TBC1D1: variants seen among roughly 807,000 people sequenced by gnomAD.
The protein encoded by TBC1D1 is TBC1 domain family member 1, also known as TBC1 (tre-2/USP6, BUB2, cdc16) domain family, member 1.
Under a neutral mutation model 125.6 loss-of-function variants are expected in TBC1D1, and 89 were observed. The observed-to-expected ratio is 0.71, with a 90% CI of 0.60 to 0.85. TBC1D1 has a LOEUF of 0.85. Ranked by LOEUF, TBC1D1 falls within the 40% of genes least tolerant of loss-of-function variation. The probability of loss-of-function intolerance (pLI) is 0.00; values close to 1 mark genes in which losing one functional copy is unlikely to be tolerated. For missense variants in TBC1D1, 1,377 were observed against 1,469.2 expected (o/e 0.94, Z 1.03); for synonymous variants, 565 against 564.1 (o/e 1.00, Z -0.02).
intron 13 of TBC1D1, 71 bp from the exon 16 acceptor site, chr4:38,095,858 C>T (rs192194574): frequency 6.1e-6 from 9 of 1,463,746 alleles, no homozygotes; most frequent in Non-Finnish European, 8.3e-6. Flanking sequence ...AACAAGTAGG[C>T]AGCCATGTTG....
chr4:38,023,626 T>A (rs1489664503), intron 6 of TBC1D1, among the ~76,000 whole-genome samples: 1 of 152,266 alleles, frequency 6.6e-6, no homozygotes, highest in Non-Finnish European at 1.5e-5. Flanking sequence ...TCACGTGTAT[T>A]GTAGCGTTGT....
At chr4:38,114,505 C>A (rs1178691728) in intron 15 of TBC1D1, among the ~76,000 whole-genome samples, 1 of 152,204 alleles carries the variant, frequency 6.6e-6, no homozygotes, top group Non-Finnish European at 1.5e-5. Flanking sequence ...CCTAGATCCA[C>A]CTTTTGCCTT....
At chr4:38,045,409 C>T (rs1749218926) in intron 9 of TBC1D1, among the ~76,000 whole-genome samples, 1 of 152,130 alleles carries the variant, frequency 6.6e-6, no homozygotes, top group South Asian at 2.1e-4. Flanking sequence ...ATTTACAAAA[C>T]CAGAGTTGGG....
chr4:37,894,525 A>G (rs950205064), intron 1 of TBC1D1, among the ~76,000 whole-genome samples: 3 of 152,152 alleles, frequency 2.0e-5, no homozygotes, highest in South Asian at 4.1e-4. Flanking sequence ...AGCAACAGCT[A>G]TTTTTCTCTT....
At chr4:38,095,668 G>A (rs1759201026) in intron 13 of TBC1D1, among the ~76,000 whole-genome samples, 1 of 152,204 alleles carries the variant, frequency 6.6e-6, no homozygotes, top group Non-Finnish European at 1.5e-5. Flanking sequence ...TTGGGCAGAT[G>A]TGGATTATGT....
At chr4:38,088,737 G>A (rs942325784) in intron 12 of TBC1D1, among the ~76,000 whole-genome samples, 11 of 152,004 alleles carry the variant, frequency 7.2e-5, no homozygotes, top group Non-Finnish European at 1.5e-4. Flanking sequence ...TCTGAGGGGA[G>A]GCTCTGTCAT....
intron 12 of TBC1D1, among the ~76,000 whole-genome samples, chr4:38,058,713 G>A (rs1752210266): frequency 6.6e-6 from 1 of 152,174 alleles, no homozygotes; most frequent in South Asian, 2.1e-4. Context: ...TTCCATCCAT[G>A]TCATCCCACT....
intron 14 of TBC1D1, among the ~76,000 whole-genome samples, chr4:38,098,136 C>T (rs915116743): frequency 2.6e-5 from 4 of 152,214 alleles, no homozygotes; most frequent in Non-Finnish European, 5.9e-5. Context: ...GGGCTCTTGC[C>T]CCCTTACTGA....
rs566563757 is a variant in TBC1D1 at position 37,915,074 on chromosome 4, C to T, written c.417+12562C>T. On this transcript the variant is annotated intron_variant, in intron 2 of 19. Coordinates refer to ENST00000261439, the MANE Select transcript of TBC1D1 (RefSeq NM_015173.4). ...ACCTGCCTGAGCTCTAAGAGAGCAA[C>T]GCTCTTGCCTGTCTTCTTCACTGCT... 1.1e-4 allele frequency among the ~76,000 whole-genome samples: 16 copies of T among 152,350 alleles called. 1 individual carries two copies. Among genetic ancestry groups the T allele is most frequent in the Middle Eastern group, 3.4e-3 (1 of 294 alleles).
In TBC1D1 at chr4:38,115,898, C is replaced by A. The variant is rs761147158; in HGVS notation, c.2746C>A (p.Leu916Met). ...AGAGGCGTTTAAAATGCTCAAGTTT[C>A]TGATGTTTGACATGGGGCTGCGGAA... The change falls in exon 16 of 20, where the codon CTG becomes ATG. Residue 916 changes from leucine to methionine, a missense_variant. Leu to Met is a conservative substitution (Grantham distance 15). Transcript: ENST00000261439. The A allele has an allele frequency of 1.9e-6, 3 of 1,614,056 alleles. No homozygotes were observed. The African/African-American group carries it at 4.0e-5, about 22-fold the overall frequency.
intron 2 of TBC1D1, among the ~76,000 whole-genome samples, chr4:37,949,295 C>T (rs1038331074): frequency 1.3e-5 from 2 of 152,176 alleles, no homozygotes; most frequent in Non-Finnish European, 2.9e-5. Context: ...ATAGTGCTGC[C>T]TAATTACTTG....
At position 37,944,500 on chromosome 4, in the gene TBC1D1, G is replaced by A. The variant is rs567647651; in HGVS notation, c.417+41988G>A. Among the ~76,000 whole-genome samples, 4 of 152,340 alleles carry A rather than the reference G, an allele frequency of 2.6e-5. No homozygotes were observed. The East Asian group carries it at 5.8e-4, about 22-fold the overall frequency. ...GGCTCCACCCAGTTCGAGCTTCCCGGCCGCTTTGTTTACCTACTCAAGCCT... is the reference window on the plus strand; with the variant it reads ...GGCTCCACCCAGTTCGAGCTTCCCGACCGCTTTGTTTACCTACTCAAGCCT... On this transcript the variant is annotated intron_variant, in intron 2 of 19. Transcript: ENST00000261439.
intron 2 of TBC1D1, among the ~76,000 whole-genome samples, chr4:38,012,994 T>C (rs564198398): frequency 1.1e-4 from 16 of 152,124 alleles, no homozygotes; most frequent in South Asian, 2.1e-4. Flanking sequence ...GGGGTTTCAC[T>C]ATGTTGGCCA....
At chr4:38,059,982 T>C (rs574596126) in intron 12 of TBC1D1, among the ~76,000 whole-genome samples, 14 of 152,220 alleles carry the variant, frequency 9.2e-5, no homozygotes, top group Non-Finnish European at 1.5e-4. Flanking sequence ...GGTGTTTGGT[T>C]TTCTGTTCCT....
At chr4:37,896,579 A>C (rs1478606744) in intron 1 of TBC1D1, among the ~76,000 whole-genome samples, 2 of 152,166 alleles carry the variant, frequency 1.3e-5, no homozygotes, top group Non-Finnish European at 2.9e-5. Context: ...ATCTTGTTCC[A>C]TTCTCTTATA....
chr4:38,083,273 A>G (rs190636345), intron 12 of TBC1D1, among the ~76,000 whole-genome samples: 1 of 152,308 alleles, frequency 6.6e-6, no homozygotes, highest in East Asian at 1.9e-4. Flanking sequence ...ACCAATTAAT[A>G]TGTGGATTGA....
At chr4:37,896,587 A>G (rs777914131) in intron 1 of TBC1D1, among the ~76,000 whole-genome samples, 1 of 152,164 alleles carries the variant, frequency 6.6e-6, no homozygotes, top group Non-Finnish European at 1.5e-5. Flanking sequence ...CCATTCTCTT[A>G]TAAGAACAAA....
intron 2 of TBC1D1, among the ~76,000 whole-genome samples, chr4:37,985,742 G>A (rs1735307576): frequency 6.6e-6 from 1 of 152,188 alleles, no homozygotes; most frequent in South Asian, 2.1e-4. Context: ...ATACTGAGAT[G>A]AGTAGGACAT....
intron 12 of TBC1D1, among the ~76,000 whole-genome samples, chr4:38,088,121 T>TC (rs1488882355): frequency 6.6e-6 from 1 of 151,752 alleles, no homozygotes; most frequent in Non-Finnish European, 1.5e-5. Context: ...GCTGCAGTGT[T>TC]CCACAGAATT....
Sources: gnomAD v4.1 joint callset for allele counts (sites outside exome capture counted in the v4.1 genomes callset) on GRCh38, gnomAD v4.1.1 for gene constraint, MANE v1.5 for transcripts, NCBI Gene and HGNC (gene_info 2026-07-23, HGNC 2026-07-21) for gene names.